IL12RB2: variants seen among roughly 807,000 people sequenced by gnomAD.
The protein encoded by IL12RB2 is interleukin 12 receptor subunit beta 2.
A neutral mutation model predicts 89.4 loss-of-function variants in IL12RB2; 82 were observed. That is an observed-to-expected ratio of 0.92 (90% CI 0.77 to 1.10). The LOEUF (loss-of-function observed/expected upper bound fraction) is 1.10, where lower values mean the gene tolerates loss of function less well. Ranked by LOEUF, IL12RB2 falls within the 50% of genes least tolerant of loss-of-function variation. IL12RB2 has a pLI of 0.00. For missense variants in IL12RB2, 963 were observed against 1,031.9 expected (o/e 0.93, Z 0.92); for synonymous variants, 368 against 370.1 (o/e 0.99, Z 0.07).
At position 67,354,570 on chromosome 1, in the gene IL12RB2, G is replaced by T. The variant is rs180733581; in HGVS notation, c.1258+3481G>T. Among the ~76,000 whole-genome samples the T allele has an allele frequency of 1.1e-4, 17 of 152,232 alleles. No individual in the cohort carries two copies. The East Asian group carries it at 2.7e-3, about 24-fold the overall frequency. On this transcript the variant is annotated intron_variant, in intron 10 of 16. Transcript: ENST00000674203. ...TCAGAGCCGAGCTGTCGTTAAGAGG[G>T]TCTTAGAAGTGCTGGAATCTCAAGG...
At chr1:67,338,239 G>A (rs1404331089) in intron 8 of IL12RB2, among the ~76,000 whole-genome samples, 10 of 148,522 alleles carry the variant, frequency 6.7e-5, no homozygotes, top group South Asian at 2.2e-4. Flanking sequence ...TGAGGCAGGA[G>A]GATTGCTTGA....
intron 16 of IL12RB2, among the ~76,000 whole-genome samples, chr1:67,394,973 A>C (rs1313831672): frequency 1.3e-5 from 2 of 152,192 alleles, no homozygotes; most frequent in Non-Finnish European, 2.9e-5. Context: ...AGCTTGGTTC[A>C]CATTAGAAAC....
chr1:67,332,379 C>A (rs1478430719), intron 8 of IL12RB2, among the ~76,000 whole-genome samples: 2 of 152,094 alleles, frequency 1.3e-5, no homozygotes, highest in African/African-American at 4.8e-5. Context: ...CCATGCCCGG[C>A]TAATTTTTGT....
chr1:67,392,616 T>C (rs994009614), intron 16 of IL12RB2, among the ~76,000 whole-genome samples: 2 of 148,826 alleles, frequency 1.3e-5, no homozygotes, highest in Middle Eastern at 3.3e-3. Context: ...TTTGAACTTT[T>C]AGATATCTTT....
At chr1:67,350,761 A>T in intron 9 of IL12RB2, 109 bp from the exon 10 acceptor site, 1 of 1,548,850 alleles carries the variant, frequency 6.5e-7, no homozygotes, top group Non-Finnish European at 8.7e-7. Context: ...ATGAACAAAA[A>T]GGTCACTCAG....
intron 9 of IL12RB2, among the ~76,000 whole-genome samples, chr1:67,343,330 C>A (rs1159129273): frequency 6.6e-6 from 1 of 152,220 alleles, no homozygotes; most frequent in Non-Finnish European, 1.5e-5. Context: ...GATCTGCCCA[C>A]CTCAACCTCC....
At chr1:67,395,522 GC>G in intron 16 of IL12RB2, 24 bp from the exon 17 acceptor site, 1 of 1,614,156 alleles carries the variant, frequency 6.2e-7, no homozygotes, top group Non-Finnish European at 8.5e-7. Flanking sequence ...AGCAGTGTGA[GC>G]CTCTTCCTCC....
intron 9 of IL12RB2, 143 bp downstream of exon 9, chr1:67,338,846 T>C: frequency 1.7e-5 from 12 of 690,942 alleles, no homozygotes; most frequent in South Asian, 6.2e-5. Flanking sequence ...CACAGTGTCA[T>C]GTGCCTTTGG....
chr1:67,380,113 T>C lies in IL12RB2; in HGVS notation c.1845T>C (p.Phe615=). The C allele has an allele frequency of 6.2e-7, 1 of 1,614,206 alleles. No homozygotes were observed. The highest frequency in any genetic ancestry group is 1.1e-5 in the South Asian group (1 of 91,082). ...GESSHGNERE[F]CLQGKANWMA... is the part of the protein sequence containing the mutation. ...GTTCCCACGGAAATGAGAGGGAATT[T>C]TGTCTGCAAGGTGAGAGGCAGTGTT... Residue 615 remains phenylalanine (F), a synonymous_variant, in exon 14 of 17, where the codon TTT becomes TTC. Transcript: ENST00000674203.
intron 13 of IL12RB2, among the ~76,000 whole-genome samples, chr1:67,379,025 C>T (rs1344811670): frequency 6.6e-6 from 1 of 151,766 alleles, no homozygotes; most frequent in East Asian, 1.9e-4. Context: ...TGGTGAAACC[C>T]CGTTCTACTA....
In IL12RB2 at chr1:67,328,340, G is replaced by A. The variant is rs1558305828; in HGVS notation, c.620G>A (p.Gly207Glu). Residue 207 changes from glycine (G) to glutamate (E), a missense_variant, in exon 6 of 17, where the codon GGA (glycine) becomes GAA (glutamate). Physicochemically the swap from Gly to Glu is moderately conservative, Grantham distance 98 (BLOSUM62 -2). Transcript: ENST00000674203. ...AAGGTTACTGCTGTCAATAGTCTTGGAAGCTCCTCTTCACTTCCATCCACA... is the reference window on the plus strand; with the variant it reads ...AAGGTTACTGCTGTCAATAGTCTTGAAAGCTCCTCTTCACTTCCATCCACA... ...TAKVTAVNSLGSSSSLPSTFT... is the reference protein window; with the variant it reads ...TAKVTAVNSLESSSSLPSTFT... 1.2e-6 allele frequency: 2 copies of A among 1,614,132 alleles called. No homozygotes were observed. The highest frequency in any genetic ancestry group is 2.2e-5 in the East Asian group (1 of 44,872).
At chr1:67,365,361 A>T (rs1662558648) in intron 10 of IL12RB2, among the ~76,000 whole-genome samples, 2 of 152,184 alleles carry the variant, frequency 1.3e-5, no homozygotes, top group South Asian at 4.1e-4. Flanking sequence ...TGATTCTTTA[A>T]AAAGATCAAT....
intron 9 of IL12RB2, 112 bp downstream of exon 9, chr1:67,338,815 T>C: frequency 1.4e-6 from 1 of 725,860 alleles, no homozygotes; most frequent in Admixed American, 2.0e-5. Context: ...TAGAGCTCAT[T>C]TTCTCACATT....
chr1:67,322,081 G>GTCTC (rs35077887), intron 4 of IL12RB2, among the ~76,000 whole-genome samples, 192 bp downstream of exon 4: 16 of 148,992 alleles, frequency 1.1e-4, no homozygotes, highest in African/African-American at 2.0e-4. Flanking sequence ...TATTTGGCAA[G>GTCTC]TCTCTCTCTC....
At position 67,396,363 on chromosome 1, in the gene IL12RB2, G is replaced by A; in HGVS notation, c.*274G>A. 1 of 541,970 alleles carries A rather than the reference G, an allele frequency of 1.8e-6. No homozygotes were observed. The highest frequency in any genetic ancestry group is 3.3e-6 in the Non-Finnish European group (1 of 299,268). The allele number at this position is 541,970 out of a possible 1,614,324, so 33.6% of individuals were successfully genotyped here. Reference sequence around the variant, plus strand: ...ACTTGAATTCCTAGTAACTTTCTTGGTATGCTGGCCAGAAAGGGAAATGAG... The same window carrying A: ...ACTTGAATTCCTAGTAACTTTCTTGATATGCTGGCCAGAAAGGGAAATGAG... On this transcript the variant is annotated 3_prime_UTR_variant, in exon 17 of 17. Transcript: ENST00000674203.
At chr1:67,337,770 T>C (rs2100735981) in intron 8 of IL12RB2, among the ~76,000 whole-genome samples, 1 of 152,262 alleles carries the variant, frequency 6.6e-6, no homozygotes, top group Non-Finnish European at 1.5e-5. Context: ...AATTGTACTA[T>C]ACCATGATAA....
chr1:67,343,917 C>T (rs1160317421), intron 9 of IL12RB2, among the ~76,000 whole-genome samples: 2 of 152,156 alleles, frequency 1.3e-5, no homozygotes, highest in African/African-American at 4.8e-5. Context: ...TATGAAAGCT[C>T]CTCTTTAGTA....
At position 67,386,642 on chromosome 1, in the gene IL12RB2, T is replaced by C. The variant is rs199787828; in HGVS notation, c.1919T>C (p.Ile640Thr). The C allele has an allele frequency of 6.2e-7, 1 of 1,612,838 alleles. No homozygotes were observed. The highest frequency in any genetic ancestry group is 1.3e-5 in the African/African-American group (1 of 74,940). The change falls in exon 15 of 17, where the codon ATT becomes ACT. Residue 640 changes from isoleucine (I) to threonine (T), a missense_variant. By Grantham distance (89) the Ile-to-Thr change is moderately conservative (BLOSUM62 -1). Coordinates refer to ENST00000674203, the MANE Select transcript of IL12RB2 (RefSeq NM_001374259.2). ...TGCATTGCTATCATCATGGTGGGCA[T>C]TTTCTCAACGCATTACTTCCAGCAA... ...SICIAIIMVG[I>T]FSTHYFQQKV...
chr1:67,351,952 C>G (rs983929851), intron 10 of IL12RB2, among the ~76,000 whole-genome samples: 10 of 152,138 alleles, frequency 6.6e-5, no homozygotes, highest in African/African-American at 2.4e-4. Context: ...GAGTAAAACT[C>G]TGTAATGAGA....
Sources: gnomAD v4.1 joint callset for allele counts (sites outside exome capture counted in the v4.1 genomes callset) on GRCh38, gnomAD v4.1.1 for gene constraint, MANE v1.5 for transcripts, NCBI Gene and HGNC (gene_info 2026-07-23, HGNC 2026-07-21) for gene names.